Variants in SETX observed in about 807,000 individuals in gnomAD.
SETX encodes helicase senataxin.
In SETX, 90 loss-of-function variants were observed where a neutral mutation model predicts 227.2. The observed-to-expected ratio is 0.40, with a 90% CI of 0.33 to 0.47. SETX has a LOEUF of 0.47. Among genes scored for constraint, SETX ranks in the 20% least tolerant of loss-of-function variants. The pLI is 0.91. For synonymous variants in SETX, 1,210 were observed against 1,113.2 expected, an observed-to-expected ratio of 1.09 and a Z score of -1.73; for missense variants, 3,052 against 3,181.5, an observed-to-expected ratio of 0.96 and a Z score of 0.98.
chr9:132,330,067 A>G lies in SETX; in HGVS notation c.1531T>C (p.Cys511Arg), dbSNP rs1195832799. Residue 511 changes from cysteine to arginine, a missense_variant, in exon 10 of 26, where the codon TGC becomes CGC. Cys to Arg is a radical substitution (Grantham distance 180). Coordinates refer to ENST00000224140, the MANE Select transcript of SETX (RefSeq NM_015046.7). Reference sequence around the variant, plus strand: ...GATATCATTGCTGTTCCTTTGGAGCAATTTCCAGATGATTTCTCAGAACTC... The same window carrying G: ...GATATCATTGCTGTTCCTTTGGAGCGATTTCCAGATGATTTCTCAGAACTC... ...TRSSEKSSGN[C>R]SKGTAMISSL... 1 of 1,614,246 alleles carries G rather than the reference A, an allele frequency of 6.2e-7. No individual in the cohort carries two copies. The highest frequency in any genetic ancestry group is 1.7e-5 in the Admixed American group (1 of 60,032).
intron 11 of SETX, among the ~76,000 whole-genome samples, chr9:132,301,211 G>C (rs918850480): frequency 6.0e-5 from 9 of 150,236 alleles, no homozygotes; most frequent in African/African-American, 2.2e-4. Context: ...TCCTGCCTTA[G>C]CCTCCCAAAT....
intron 15 of SETX, among the ~76,000 whole-genome samples, chr9:132,292,446 G>C (rs1268142639): frequency 5.6e-5 from 8 of 143,790 alleles, no homozygotes; most frequent in Admixed American, 5.5e-4. Context: ...AAGAAAACAT[G>C]ATTAGACTTA....
In SETX at chr9:132,275,444, C is replaced by T. The variant is rs774334913; in HGVS notation, c.6936-24G>A. 6.9e-6 allele frequency: 11 copies of T among 1,582,884 alleles called. No individual in the cohort carries two copies. The African/African-American group carries it at 1.3e-4, about 19-fold the overall frequency. ...AGCTAAACAAGATGGAAAAAGAAAA[C>T]ACAGTGTTATCAAAACTAATAGCAG... On this transcript the variant is annotated intron_variant, in intron 22 of 25. Transcript: ENST00000224140.
chr9:132,306,369 C>T (rs1043638910), intron 11 of SETX, among the ~76,000 whole-genome samples: 2 of 152,162 alleles, frequency 1.3e-5, no homozygotes, highest in Non-Finnish European at 2.9e-5. Flanking sequence ...TGCACCACCA[C>T]ACCCGGCTAA....
intron 20 of SETX, among the ~76,000 whole-genome samples, chr9:132,280,583 G>C (rs1039779883): frequency 2.6e-5 from 4 of 152,134 alleles, no homozygotes; most frequent in African/African-American, 9.7e-5. Flanking sequence ...CTATCATTCT[G>C]AATAATTCCG....
At chr9:132,286,234 C>T (rs1438385346) in intron 18 of SETX, among the ~76,000 whole-genome samples, 189 bp downstream of exon 18, 1 of 150,972 alleles carries the variant, frequency 6.6e-6, no homozygotes. Flanking sequence ...CGCCTGTAAT[C>T]CCAGCCACAT....
rs571708895 is a variant in SETX at position 132,318,414 on chromosome 9, C to T, written c.5275-6558G>A. ...AAATGCAGATGTTCCCCTCTGAATT[C>T]ATACTCCCCAGGGAGACCAGGCACA... is the stretch of plus-strand genomic sequence containing the variant. On this transcript the variant is annotated intron_variant, in intron 10 of 25. Coordinates refer to ENST00000224140, the MANE Select transcript of SETX (RefSeq NM_015046.7). Among the ~76,000 whole-genome samples, 86 of 152,294 alleles carry T rather than the reference C, an allele frequency of 5.6e-4. 2 individuals are homozygous for T. In the South Asian group the frequency reaches 0.017, roughly 30 times the overall value.
In SETX at chr9:132,313,661, A is replaced by G. The variant is rs548830518; in HGVS notation, c.5275-1805T>C. ...AAATTAAGAAATCATAAATTGCATG[A>G]GCTAGTAGTTTCACACTAAATGAAA... On this transcript the variant is annotated intron_variant, in intron 10 of 25. Coordinates refer to ENST00000224140, the MANE Select transcript of SETX (RefSeq NM_015046.7). Among the ~76,000 whole-genome samples the G allele has an allele frequency of 3.9e-5, 6 of 152,278 alleles. No individual in the cohort carries two copies. In the South Asian group the frequency reaches 1.2e-3, roughly 32 times the overall value.
Position 132,281,555 on chromosome 9 carries a change from A to G in SETX, c.6566T>C (p.Ile2189Thr), listed in dbSNP as rs1843509733. ...ATGGATGAGTGGAGTAAGAGTCTCA[A>G]TTTCACAAGACTGTCCAGCCTTGGT... is the stretch of plus-strand genomic sequence containing the variant. ...IVDEAGQSCE[I>T]ETLTPLIHRC... is the part of the protein sequence containing the mutation. The change falls in exon 20 of 26, where the codon ATT (isoleucine) becomes ACT (threonine). Residue 2189 changes from isoleucine to threonine, a missense_variant. By Grantham distance (89) the Ile-to-Thr change is moderately conservative (BLOSUM62 -1). Transcript: ENST00000224140. 1 of 1,613,608 alleles carries G rather than the reference A, an allele frequency of 6.2e-7. No individual in the cohort carries two copies. The highest frequency in any genetic ancestry group is 1.1e-5 in the South Asian group (1 of 91,066).
At chr9:132,294,962 A>C (rs1238511072) in intron 15 of SETX, among the ~76,000 whole-genome samples, 2 of 152,260 alleles carry the variant, frequency 1.3e-5, no homozygotes, top group Non-Finnish European at 2.9e-5. Context: ...GGAGTCTGCT[A>C]AATCAAATCC....
chr9:132,335,774 G>A (rs568653536), intron 6 of SETX, among the ~76,000 whole-genome samples: 1 of 152,322 alleles, frequency 6.6e-6, no homozygotes, highest in East Asian at 1.9e-4. Flanking sequence ...GCCAGTGCTT[G>A]AAAATGTACT....
At chr9:132,297,581 A>G (rs1198972402) in intron 13 of SETX, among the ~76,000 whole-genome samples, 1 of 152,224 alleles carries the variant, frequency 6.6e-6, no homozygotes, top group Non-Finnish European at 1.5e-5. Flanking sequence ...TAAATCTAGG[A>G]TTCCTTAAGA....
Position 132,286,412 on chromosome 9 carries a change from G to C in SETX, c.6396+11C>G. The C allele has an allele frequency of 6.3e-7, 1 of 1,582,862 alleles. No individual in the cohort carries two copies. Among genetic ancestry groups the C allele is most frequent in the South Asian group, 1.1e-5 (1 of 87,576 alleles). On this transcript the variant is annotated intron_variant, in intron 18 of 25. Coordinates refer to ENST00000224140, the MANE Select transcript of SETX (RefSeq NM_015046.7). ...AAAAAATCAAGAAAATGCTACAGGT[G>C]AACTACTTACCTCTTTAATTTTAGA...
intron 11 of SETX, among the ~76,000 whole-genome samples, chr9:132,302,096 G>A (rs1057314288): frequency 2.6e-5 from 4 of 152,190 alleles, no homozygotes; most frequent in East Asian, 3.9e-4. Flanking sequence ...AGTGGCTCAC[G>A]CCTGTAATCC....
At chr9:132,340,563 C>T (rs989196504) in intron 5 of SETX, among the ~76,000 whole-genome samples, 6 of 151,904 alleles carry the variant, frequency 3.9e-5, no homozygotes, top group African/African-American at 7.3e-5. Context: ...CTCACTGCCA[C>T]GCATTTTAGT....
chr9:132,293,643 C>A (rs1844474662), intron 15 of SETX, among the ~76,000 whole-genome samples: 1 of 152,122 alleles, frequency 6.6e-6, no homozygotes, highest in Admixed American at 6.5e-5. Flanking sequence ...TGGTCTCAAA[C>A]TCCTGACCTC....
rs1799171530 is a variant in SETX at position 132,354,951 on chromosome 9, C to G, written c.-149G>C. On this transcript the variant is annotated 5_prime_UTR_variant, in exon 1 of 26. Coordinates refer to ENST00000224140, the MANE Select transcript of SETX (RefSeq NM_015046.7). ...GCTGGCGTCGGCCTCTAGCCCACCTCCATACCGGGCCCCGCTCTAGGCCAC... is the reference window on the plus strand; with the variant it reads ...GCTGGCGTCGGCCTCTAGCCCACCTGCATACCGGGCCCCGCTCTAGGCCAC... The G allele has an allele frequency of 6.6e-6, 1 of 152,314 alleles. No homozygotes were observed. Among genetic ancestry groups the G allele is most frequent in the Admixed American group, 6.5e-5 (1 of 15,286 alleles). 9.4% of individuals were successfully genotyped at this position (152,314 alleles called of 1,614,324 possible).
At chr9:132,332,192 T>C (rs550230535) in intron 7 of SETX, among the ~76,000 whole-genome samples, 2 of 152,332 alleles carry the variant, frequency 1.3e-5, no homozygotes, top group South Asian at 2.1e-4. Context: ...TGATCTACTG[T>C]TTATTTCCAT....
upstream of SETX, among the ~76,000 whole-genome samples, chr9:132,355,970 G>C (rs534303412): frequency 4.4e-5 from 6 of 135,224 alleles, no homozygotes; most frequent in African/African-American, 8.3e-5. Context: ...CTGGGCAAAG[G>C]AGCGAGACTC....
Sources: allele counts gnomAD v4.1 joint callset (sites outside exome capture counted in the v4.1 genomes callset), GRCh38; gene constraint gnomAD v4.1.1; transcripts MANE v1.5; gene names NCBI Gene and HGNC (gene_info 2026-07-23, HGNC 2026-07-21).